ATG4C: variants seen among roughly 807,000 people sequenced by gnomAD.
The protein encoded by ATG4C is cysteine protease ATG4C.
A neutral mutation model predicts 57.6 loss-of-function variants in ATG4C; 56 were observed. The ratio of observed to expected loss-of-function variants is 0.97; its 90% CI spans 0.78 to 1.21. ATG4C has a LOEUF of 1.21. Among genes scored for constraint, ATG4C ranks in the 50% most tolerant of loss-of-function variants. ATG4C has a pLI of 0.00. For synonymous variants in ATG4C, 157 were observed against 174.1 expected (o/e 0.90, Z 0.78); for missense variants, 595 against 529.8 (o/e 1.12, Z -1.21).
intron 6 of ATG4C, among the ~76,000 whole-genome samples, chr1:62,827,199 C>G (rs10159426): frequency 0.64 from 96,973 of 151,940 alleles, 31,294 homozygotes; most frequent in African/African-American, 0.74. Flanking sequence ...TGTCTTCATT[C>G]TCCCCTATAA....
intron 10 of ATG4C, among the ~76,000 whole-genome samples, chr1:62,855,976 A>G (rs1298245555): frequency 6.6e-6 from 1 of 152,162 alleles, no homozygotes; most frequent in Non-Finnish European, 1.5e-5. Context: ...ATAGACCCTT[A>G]TTGTTAAAAA....
chr1:62,827,129 A>G (rs1228504665), intron 6 of ATG4C, among the ~76,000 whole-genome samples: 1 of 152,108 alleles, frequency 6.6e-6, no homozygotes, highest in African/African-American at 2.4e-5. Flanking sequence ...AAAATTCTTC[A>G]ATGGCTTCCC....
chr1:62,825,160 T>C (rs980241854), intron 6 of ATG4C, among the ~76,000 whole-genome samples: 2 of 148,902 alleles, frequency 1.3e-5, no homozygotes, highest in African/African-American at 5.0e-5. Flanking sequence ...CCCTTGAACC[T>C]AGGAGGCGGA....
At chr1:62,802,372 A>G (rs557476478) in intron 1 of ATG4C, among the ~76,000 whole-genome samples, 104 of 152,216 alleles carry the variant, frequency 6.8e-4, no homozygotes, top group African/African-American at 2.3e-3. Flanking sequence ...GAGTGCCAAC[A>G]TGATGCTCAA....
At chr1:62,793,132 C>T (rs1009589459) in intron 1 of ATG4C, among the ~76,000 whole-genome samples, 2 of 150,476 alleles carry the variant, frequency 1.3e-5, no homozygotes, top group South Asian at 2.1e-4. Flanking sequence ...ATGATTCGCC[C>T]GCCTCGGCCT....
At chr1:62,808,821 A>G (rs1664967281) in intron 3 of ATG4C, among the ~76,000 whole-genome samples, 1 of 152,220 alleles carries the variant, frequency 6.6e-6, no homozygotes, top group Non-Finnish European at 1.5e-5. Flanking sequence ...GCTAGTCTAC[A>G]TTTACTGACG....
intron 1 of ATG4C, among the ~76,000 whole-genome samples, chr1:62,802,421 C>T (rs369192212): frequency 6.7e-6 from 1 of 150,166 alleles, no homozygotes; most frequent in East Asian, 2.0e-4. Context: ...TTTGGATTTT[C>T]GGATTAACGA....
chr1:62,844,964 A>T (rs1164037919), intron 10 of ATG4C, among the ~76,000 whole-genome samples: 1 of 151,988 alleles, frequency 6.6e-6, no homozygotes, highest in Non-Finnish European at 1.5e-5. Context: ...CACTCTTTTT[A>T]TTTAAACTTT....
At chr1:62,814,235 C>G (rs1665187145) in intron 3 of ATG4C, among the ~76,000 whole-genome samples, 1 of 152,088 alleles carries the variant, frequency 6.6e-6, no homozygotes, top group South Asian at 2.1e-4. Flanking sequence ...GAAAATGTGG[C>G]ACATATACAC....
At chr1:62,855,001 TTATC>T (rs989102758) in intron 10 of ATG4C, among the ~76,000 whole-genome samples, 7 of 152,026 alleles carry the variant, frequency 4.6e-5, no homozygotes, top group South Asian at 4.2e-4. Flanking sequence ...GTTCATATCA[TTATC>T]TATTCAGTTT....
At chr1:62,788,261 A>G (rs1225560998) in intron 1 of ATG4C, among the ~76,000 whole-genome samples, 4 of 152,142 alleles carry the variant, frequency 2.6e-5, no homozygotes, top group African/African-American at 9.7e-5. Context: ...CCTAACTTCT[A>G]CTTTTTCCCT....
At chr1:62,803,968 C>G (rs1664769746) in intron 2 of ATG4C, 106 bp downstream of exon 2, 4 of 598,432 alleles carry the variant, frequency 6.7e-6, no homozygotes, top group Non-Finnish European at 1.1e-5. Flanking sequence ...AAATGGCATA[C>G]TTTACTTTGA....
At chr1:62,788,587 C>T (rs2100273439) in intron 1 of ATG4C, among the ~76,000 whole-genome samples, 1 of 152,204 alleles carries the variant, frequency 6.6e-6, no homozygotes, top group South Asian at 2.1e-4. Context: ...TTAGCATATC[C>T]AAATAATTTA....
chr1:62,834,066 G>A lies in ATG4C; in HGVS notation c.962G>A (p.Gly321Asp). The A allele has an allele frequency of 1.2e-6, 2 of 1,612,514 alleles. No individual in the cohort carries two copies. The highest frequency in any genetic ancestry group is 1.7e-6 in the Non-Finnish European group (2 of 1,179,138). The change falls in exon 8 of 11, where the codon GGT (glycine) becomes GAT (aspartate). Residue 321 changes from glycine (G) to aspartate (D), a missense_variant. Coordinates refer to ENST00000317868, the MANE Select transcript of ATG4C (RefSeq NM_032852.4). ...ATTTTAAGCCTGGAATATTGTGTGG[G>A]TATTATTGGTGGCAAACCTAAACAG... is the stretch of plus-strand genomic sequence containing the variant. ...KGILSLEYCV[G>D]IIGGKPKQSY...
At chr1:62,822,720 G>C (rs1385689562) in intron 6 of ATG4C, among the ~76,000 whole-genome samples, 1 of 152,040 alleles carries the variant, frequency 6.6e-6, no homozygotes, top group Non-Finnish European at 1.5e-5. Flanking sequence ...TTCCCCCTCT[G>C]TCTTCATTAG....
chr1:62,826,787 C>G (rs149164618), intron 6 of ATG4C, among the ~76,000 whole-genome samples: 2,897 of 148,382 alleles, frequency 0.02, 107 homozygotes, highest in African/African-American at 0.069. Flanking sequence ...GTTCCCCACC[C>G]TGTGTCCAAA....
chr1:62,798,551 T>C (rs1664547868), intron 1 of ATG4C, among the ~76,000 whole-genome samples: 1 of 152,244 alleles, frequency 6.6e-6, no homozygotes, highest in Admixed American at 6.5e-5. Context: ...AGTGTCTCAA[T>C]TTGTGATACT....
At chr1:62,863,402 A>C (rs1033549749) in intron 10 of ATG4C, among the ~76,000 whole-genome samples, 1 of 152,030 alleles carries the variant, frequency 6.6e-6, no homozygotes, top group Non-Finnish European at 1.5e-5. Context: ...TCTTCTTAAC[A>C]GTTCTCTGAG....
intron 1 of ATG4C, among the ~76,000 whole-genome samples, chr1:62,793,422 G>A (rs1664351222): frequency 6.7e-6 from 1 of 150,168 alleles, no homozygotes; most frequent in South Asian, 2.1e-4. Flanking sequence ...GATCAGCCTG[G>A]GCCATATGGC....
Sources: gnomAD v4.1 joint callset for allele counts (sites outside exome capture counted in the v4.1 genomes callset) on GRCh38, gnomAD v4.1.1 for gene constraint, MANE v1.5 for transcripts, NCBI Gene and HGNC (gene_info 2026-07-23, HGNC 2026-07-21) for gene names.